The following CSMD1 variants were observed in gnomAD, a reference collection of about 807,000 sequenced individuals.
CSMD1 encodes CUB and Sushi multiple domains 1, also known as CUB and sushi domain-containing protein 1.
A neutral mutation model predicts 417.5 loss-of-function variants in CSMD1; 213 were observed. That is an observed-to-expected ratio of 0.51 (90% CI 0.46 to 0.57). The LOEUF (loss-of-function observed/expected upper bound fraction) is 0.57. Ranked by LOEUF, CSMD1 falls within the 20% of genes least tolerant of loss-of-function variation. CSMD1 has a pLI of 0.00. For missense variants in CSMD1, 6,923 were observed against 4,529.7 expected (o/e 1.53, Z -15.17); for synonymous variants, 2,862 against 1,736.8 (o/e 1.65, Z -16.11).
intron 8 of CSMD1, among the ~76,000 whole-genome samples, chr8:3,589,308 C>T (rs186500531): frequency 6.6e-6 from 1 of 152,056 alleles, no homozygotes; most frequent in Middle Eastern, 3.2e-3. Flanking sequence ...TGCAGCGTTA[C>T]TCACAATAGC....
intron 3 of CSMD1, among the ~76,000 whole-genome samples, chr8:4,348,635 G>T (rs904316994): frequency 2.3e-4 from 32 of 137,438 alleles, no homozygotes; most frequent in Non-Finnish European, 4.4e-4. Flanking sequence ...AGGGGAGAGG[G>T]GGAGAGGGAG....
intron 31 of CSMD1, among the ~76,000 whole-genome samples, chr8:3,203,278 C>A (rs74580717): frequency 3.9e-5 from 6 of 152,114 alleles, no homozygotes; most frequent in Admixed American, 6.6e-5. Context: ...ATGGCCCCAA[C>A]GTCTTCCTTG....
intron 7 of CSMD1, among the ~76,000 whole-genome samples, chr8:3,657,651 C>T (rs909465964): frequency 5.3e-5 from 8 of 151,994 alleles, no homozygotes; most frequent in Non-Finnish European, 1.2e-4. Context: ...ACAATGAGAA[C>T]ACATGGACAC....
intron 26 of CSMD1, among the ~76,000 whole-genome samples, chr8:3,282,341 A>G (rs954660205): frequency 8.5e-5 from 13 of 152,104 alleles, no homozygotes; most frequent in African/African-American, 1.4e-4. Flanking sequence ...CTTCTACTCA[A>G]TCTTACTGCC....
At chr8:4,567,218 G>A (rs1011748872) in intron 2 of CSMD1, among the ~76,000 whole-genome samples, 1 of 152,152 alleles carries the variant, frequency 6.6e-6, no homozygotes, top group African/African-American at 2.4e-5. Context: ...CATGAACAGT[G>A]GGGATTGAAT....
intron 5 of CSMD1, among the ~76,000 whole-genome samples, chr8:3,900,508 G>C (rs1414726858): frequency 1.3e-5 from 2 of 149,464 alleles, no homozygotes; most frequent in Non-Finnish European, 3.0e-5. Flanking sequence ...GGTGACAGTA[G>C]AGCTGGATGA....
At position 3,394,043 on chromosome 8, in the gene CSMD1, TATATATATATATAG is replaced by T. The variant is rs1290479044; in HGVS notation, c.2593+2137_2593+2150del. On this transcript the variant is annotated intron_variant, in intron 17 of 69. Transcript: ENST00000635120. ...ATATATATATATATATATATATATA[TATATATATATATAG>T]AAAAAAAGAAAAATGGCAAAGAGCT... Among the ~76,000 whole-genome samples, 42 of 114,622 alleles carry T rather than the reference TATATATATATATAG, an allele frequency of 3.7e-4. 1 individual carries two copies. The highest frequency in any genetic ancestry group is 6.8e-4 in the Non-Finnish European group (37 of 54,238). 75.2% of individuals were successfully genotyped at this position (114,622 alleles called of 152,430 possible). A position where few individuals can be genotyped will look rare whatever the true frequency, so the allele number is the denominator to read the frequency against.
intron 1 of CSMD1, among the ~76,000 whole-genome samples, chr8:4,919,911 G>A (rs1476261307): frequency 1.3e-5 from 2 of 152,092 alleles, no homozygotes; most frequent in African/African-American, 2.4e-5. Flanking sequence ...TATTCTCTTG[G>A]AAGCAGAGAA....
intron 37 of CSMD1, among the ~76,000 whole-genome samples, chr8:3,176,834 A>G (rs898235722): frequency 6.7e-6 from 1 of 148,874 alleles, no homozygotes; most frequent in African/African-American, 2.5e-5. Context: ...GCTAAAGTGC[A>G]GTGGTGCAAT....
chr8:4,979,403 C>T (rs976852797), intron 1 of CSMD1, among the ~76,000 whole-genome samples: 1 of 152,122 alleles, frequency 6.6e-6, no homozygotes, highest in Non-Finnish European at 1.5e-5. Flanking sequence ...CACGGCCACA[C>T]TATGAGGAGG....
chr8:3,085,593 A>G (rs549621822), intron 49 of CSMD1, among the ~76,000 whole-genome samples: 1 of 152,314 alleles, frequency 6.6e-6, no homozygotes, highest in South Asian at 2.1e-4. Context: ...ATGTCAGAAG[A>G]GCCTCATTTG....
At chr8:3,162,609 T>C (rs1373193512) in intron 37 of CSMD1, among the ~76,000 whole-genome samples, 6 of 152,122 alleles carry the variant, frequency 3.9e-5, no homozygotes, top group Admixed American at 3.9e-4. Context: ...TGTGTTTTTA[T>C]GATATGTAAA....
At chr8:4,184,847 C>T (rs182681369) in intron 3 of CSMD1, among the ~76,000 whole-genome samples, 1 of 152,010 alleles carries the variant, frequency 6.6e-6, no homozygotes, top group Non-Finnish European at 1.5e-5. Flanking sequence ...TAAAATACCC[C>T]AACACTTTCG....
At position 3,594,394 on chromosome 8, in the gene CSMD1, A is replaced by C. The variant is rs73660326; in HGVS notation, c.1098-8134T>G. Reference sequence around the variant, plus strand: ...AAACTGAAATTTGGGTTACGTCTTGAAAGATGCATAGAATGTATTTTTTTT... The same window carrying C: ...AAACTGAAATTTGGGTTACGTCTTGCAAGATGCATAGAATGTATTTTTTTT... On this transcript the variant is annotated intron_variant, in intron 8 of 69. Coordinates refer to ENST00000635120, the MANE Select transcript of CSMD1 (RefSeq NM_033225.6). Among the ~76,000 whole-genome samples the C allele has an allele frequency of 8.5e-3, 1,290 of 152,282 alleles. 19 individuals carry two copies. Among genetic ancestry groups the C allele is most frequent in the African/African-American group, 0.029 (1,223 of 41,522 alleles).
At chr8:3,173,066 T>C (rs189070401) in intron 37 of CSMD1, among the ~76,000 whole-genome samples, 3 of 152,290 alleles carry the variant, frequency 2.0e-5, no homozygotes, top group Admixed American at 6.5e-5. Context: ...CTCCAAAGAC[T>C]TGTGGAGGAC....
At chr8:3,969,706 G>C (rs117933930) in intron 5 of CSMD1, among the ~76,000 whole-genome samples, 2,624 of 152,274 alleles carry the variant, frequency 0.017, 55 homozygotes, top group South Asian at 0.082. Context: ...ACACACCAAA[G>C]GATGATTTTG....
At chr8:4,329,380 C>A (rs148615486) in intron 3 of CSMD1, among the ~76,000 whole-genome samples, 1 of 152,070 alleles carries the variant, frequency 6.6e-6, no homozygotes, top group Non-Finnish European at 1.5e-5. Flanking sequence ...CCTCTGTCTC[C>A]CAGGTACAAG....
chr8:4,878,439 T>G (rs554089755), intron 1 of CSMD1, among the ~76,000 whole-genome samples: 11 of 152,126 alleles, frequency 7.2e-5, no homozygotes, highest in African/African-American at 2.7e-4. Context: ...AAAAATGTCC[T>G]TGTGGGTTTT....
intron 23 of CSMD1, among the ~76,000 whole-genome samples, chr8:3,340,679 G>A (rs1563289186): frequency 1.3e-5 from 2 of 152,046 alleles, no homozygotes; most frequent in African/African-American, 4.8e-5. Flanking sequence ...GGGGAGCTGG[G>A]GATTTCTTCA....
Sources: gnomAD v4.1 joint callset for allele counts (sites outside exome capture counted in the v4.1 genomes callset) on GRCh38, gnomAD v4.1.1 for gene constraint, MANE v1.5 for transcripts, NCBI Gene and HGNC (gene_info 2026-07-23, HGNC 2026-07-21) for gene names.